The following NDFIP2 variants were observed in gnomAD, a reference collection of about 807,000 sequenced individuals.
NDFIP2 encodes NEDD4 family-interacting protein 2.
NDFIP2 carries 19 observed loss-of-function variants against 36.0 expected under a neutral mutation model. The ratio of observed to expected loss-of-function variants is 0.53; its 90% confidence interval spans 0.37 to 0.77. The LOEUF (loss-of-function observed/expected upper bound fraction) is 0.77. Ranked by LOEUF, NDFIP2 falls within the 30% of genes least tolerant of loss-of-function variation. NDFIP2 has a pLI of 0.00. For missense variants in NDFIP2, 446 were observed against 435.8 expected, an observed-to-expected ratio of 1.02 and a Z score of -0.21; for synonymous variants, 181 against 167.7, an observed-to-expected ratio of 1.08 and a Z score of -0.61.
intron 3 of NDFIP2, among the ~76,000 whole-genome samples, chr13:79,535,864 TC>T (rs1423611522): frequency 6.6e-6 from 1 of 152,144 alleles, no homozygotes; most frequent in Non-Finnish European, 1.5e-5. Flanking sequence ...TTTTAAAACA[TC>T]ATGTAATACA....
chr13:79,497,677 T>TTTC (rs1555356380), intron 1 of NDFIP2, among the ~76,000 whole-genome samples: 6 of 147,078 alleles, frequency 4.1e-5, no homozygotes, highest in Non-Finnish European at 7.5e-5. Context: ...TTTTTTTTTT[T>TTTC]CTATTCCTTG....
intron 2 of NDFIP2, among the ~76,000 whole-genome samples, chr13:79,532,313 A>G (rs1594855375): frequency 6.6e-6 from 1 of 152,346 alleles, no homozygotes; most frequent in Admixed American, 6.5e-5. Context: ...AGCAAAGTGT[A>G]TAAAACCAGG....
intron 2 of NDFIP2, among the ~76,000 whole-genome samples, chr13:79,525,442 C>T (rs919307704): frequency 1.3e-5 from 2 of 152,114 alleles, no homozygotes; most frequent in African/African-American, 4.8e-5. Flanking sequence ...TTTATTAAGG[C>T]AAGAACTTTC....
intron 1 of NDFIP2, among the ~76,000 whole-genome samples, chr13:79,484,084 C>G (rs188252783): frequency 2.0e-5 from 3 of 151,956 alleles, no homozygotes; most frequent in Admixed American, 2.0e-4. Context: ...GGCGTGATCT[C>G]GGCTCACTGC....
chr13:79,505,778 T>C (rs1873840888), intron 1 of NDFIP2, among the ~76,000 whole-genome samples: 2 of 151,932 alleles, frequency 1.3e-5, no homozygotes, highest in South Asian at 4.2e-4. Flanking sequence ...AAAAATCTTG[T>C]AACAAGTGGG....
At chr13:79,493,373 T>C (rs1472136219) in intron 1 of NDFIP2, among the ~76,000 whole-genome samples, 1 of 152,198 alleles carries the variant, frequency 6.6e-6, no homozygotes, top group African/African-American at 2.4e-5. Context: ...GGGTATATCC[T>C]TTGCTTTTAT....
intron 5 of NDFIP2, among the ~76,000 whole-genome samples, chr13:79,546,018 G>A (rs924811515): frequency 5.9e-5 from 9 of 152,118 alleles, no homozygotes; most frequent in South Asian, 2.1e-4. Flanking sequence ...GTGAGCCACC[G>A]CGCCAGGCCA....
Position 79,543,488 on chromosome 13 carries a change from T to G in NDFIP2, c.716-70T>G, listed in dbSNP as rs935927468. 7.1e-6 allele frequency: 11 copies of G among 1,557,394 alleles called. No individual in the cohort carries two copies. The African/African-American group carries it at 1.5e-4, about 21-fold the overall frequency. On this transcript the variant is annotated intron_variant, in intron 4 of 7. Transcript: ENST00000218652. Reference sequence around the variant, plus strand: ...GCTGTTTCCATTGAGCCATGAAATATTATTAATATGTCTATGTTAATTTGT... The same window carrying G: ...GCTGTTTCCATTGAGCCATGAAATAGTATTAATATGTCTATGTTAATTTGT...
chr13:79,505,598 C>T (rs534976175), intron 1 of NDFIP2, among the ~76,000 whole-genome samples: 1 of 151,400 alleles, frequency 6.6e-6, no homozygotes, highest in South Asian at 2.1e-4. Flanking sequence ...AACTGCACTC[C>T]AGCCTGGGCA....
chr13:79,552,342 A>C (rs1011932468), intron 7 of NDFIP2, among the ~76,000 whole-genome samples, 174 bp from the exon 8 acceptor site: 1 of 151,472 alleles, frequency 6.6e-6, no homozygotes, highest in Non-Finnish European at 1.5e-5. Context: ...TATTTTCTAG[A>C]TGAAAATCTG....
At chr13:79,493,732 A>G (rs1050795903) in intron 1 of NDFIP2, among the ~76,000 whole-genome samples, 1 of 152,178 alleles carries the variant, frequency 6.6e-6, no homozygotes, top group Non-Finnish European at 1.5e-5. Flanking sequence ...TCTTTTATTT[A>G]TGGCAATGCC....
chr13:79,506,450 T>G (rs1316133785), intron 1 of NDFIP2, among the ~76,000 whole-genome samples: 2 of 152,156 alleles, frequency 1.3e-5, no homozygotes, highest in Non-Finnish European at 2.9e-5. Flanking sequence ...GTGAGTTTGT[T>G]TAACTCTTCT....
intron 5 of NDFIP2, 36 bp from the exon 6 acceptor site, chr13:79,548,292 A>C: frequency 8.4e-6 from 11 of 1,311,722 alleles, no homozygotes; most frequent in African/African-American, 1.5e-5. Context: ...ATTCAGGTGT[A>C]TGAATTCGGT....
chr13:79,548,690 C>A (rs1875783052), intron 6 of NDFIP2, among the ~76,000 whole-genome samples: 1 of 151,954 alleles, frequency 6.6e-6, no homozygotes, highest in African/African-American at 2.4e-5. Flanking sequence ...AGAAAACATA[C>A]ACAAATGACT....
chr13:79,492,376 A>G (rs1305154713), intron 1 of NDFIP2, among the ~76,000 whole-genome samples: 1 of 151,760 alleles, frequency 6.6e-6, no homozygotes, highest in African/African-American at 2.4e-5. Flanking sequence ...GATTTCTGTC[A>G]AAAGGGAAGA....
intron 4 of NDFIP2, among the ~76,000 whole-genome samples, chr13:79,543,097 G>A (rs1297842060): frequency 6.6e-6 from 1 of 152,168 alleles, no homozygotes; most frequent in Middle Eastern, 3.4e-3. Context: ...GGCTGGTCTC[G>A]AACTCCTGAC....
chr13:79,481,892 G>A (rs1211558236), intron 1 of NDFIP2, among the ~76,000 whole-genome samples: 2 of 152,090 alleles, frequency 1.3e-5, no homozygotes, highest in Non-Finnish European at 2.9e-5. Context: ...TTGTCTACTG[G>A]AAATGGGGCT....
In NDFIP2 at chr13:79,482,179, T is replaced by C. The variant is rs1401242515; in HGVS notation, c.321+655T>C. Among the ~76,000 whole-genome samples, 47 of 145,794 alleles carry C rather than the reference T, an allele frequency of 3.2e-4. 1 individual carries two copies. Among genetic ancestry groups the C allele is most frequent in the Admixed American group, 6.1e-4 (9 of 14,736 alleles). ...TTTCTTTCTTTCTTTCTTTTTTTTT[T>C]TTTTTTTTTTTTTTTTGGTTAGAGG... is the stretch of plus-strand genomic sequence containing the variant. On this transcript the variant is annotated intron_variant, in intron 1 of 7. Coordinates refer to ENST00000218652, the MANE Select transcript of NDFIP2 (RefSeq NM_019080.3).
rs957355983 is a variant in NDFIP2 at position 79,548,357 on chromosome 13, T to C, written c.870T>C (p.Asn290=). 6.3e-6 allele frequency: 10 copies of C among 1,594,018 alleles called. No homozygotes were observed. The highest frequency in any genetic ancestry group is 1.3e-5 in the African/African-American group (1 of 74,176). The part of the protein sequence containing the change: ...RFSDYFTGYF[N]GQYWLWWIFL... ...CTGATTATTTTACTGGATATTTCAA[T>C]GGACAGTATTGGCTTTGGTGGATAT... is the stretch of plus-strand genomic sequence containing the variant. The change falls in exon 6 of 8, where the codon AAT becomes AAC. Residue 290 remains asparagine, a synonymous_variant. Transcript: ENST00000218652.
Sources: allele counts gnomAD v4.1 joint callset (sites outside exome capture counted in the v4.1 genomes callset), GRCh38; gene constraint gnomAD v4.1.1; transcripts MANE v1.5; gene names NCBI Gene and HGNC (gene_info 2026-07-23, HGNC 2026-07-21).